Variants in CWC25 observed in about 807,000 individuals in gnomAD.
CWC25 encodes the protein pre-mRNA-splicing factor CWC25 homolog.
CWC25 carries 31 observed loss-of-function variants against 54.6 expected under a neutral mutation model. The observed-to-expected ratio is 0.57, with a 90% CI of 0.43 to 0.77. The LOEUF (loss-of-function observed/expected upper bound fraction) is 0.77, where lower values mean the gene tolerates loss of function less well. CWC25 is among the 30% of genes least tolerant of loss of function. CWC25 has a pLI of 0.00. For missense variants in CWC25, 453 were observed against 529.3 expected, an observed-to-expected ratio of 0.86 and a Z score of 1.41; for synonymous variants, 151 against 187.0, an observed-to-expected ratio of 0.81 and a Z score of 1.57.
intron 2 of CWC25, among the ~76,000 whole-genome samples, chr17:38,817,201 G>A (rs1418719689): frequency 2.0e-5 from 3 of 151,188 alleles, no homozygotes; most frequent in Admixed American, 6.6e-5. Context: ...CTAGCCAGGC[G>A]TGGTGGTACA....
chr17:38,819,014 C>CTTAT (rs35573113), intron 2 of CWC25, among the ~76,000 whole-genome samples: 78,329 of 150,166 alleles, frequency 0.52, 21,793 homozygotes, highest in Middle Eastern at 0.67. Context: ...TCAATTTTTA[C>CTTAT]TTATTTATTT....
chr17:38,810,680 G>A (rs138318505), intron 4 of CWC25, 85 bp from the exon 5 acceptor site: 1 of 740,564 alleles, frequency 1.4e-6, no homozygotes, highest in African/African-American at 1.7e-5. Context: ...AGCACTTTGG[G>A]AGGCTGAGTG....
intron 6 of CWC25, among the ~76,000 whole-genome samples, chr17:38,808,946 CAAAAAA>C (rs71138657): frequency 9.3e-6 from 1 of 107,998 alleles, no homozygotes. Flanking sequence ...AACTCCACCT[CAAAAAA>C]AAAAAAAAAA....
At position 38,820,884 on chromosome 17, in the gene CWC25, C is replaced by T; in HGVS notation, c.191+17G>A. 1 of 1,605,484 alleles carries T rather than the reference C, an allele frequency of 6.2e-7. No homozygotes were observed. Among genetic ancestry groups the T allele is most frequent in the South Asian group, 1.1e-5 (1 of 89,722 alleles). Reference sequence around the variant, plus strand: ...GCAATTCCCTACACACAAGCGCACCCCCAGCTCCTCACTTACTTGACGGCC... The same window carrying T: ...GCAATTCCCTACACACAAGCGCACCTCCAGCTCCTCACTTACTTGACGGCC... On this transcript the variant is annotated intron_variant, in intron 2 of 9. Transcript: ENST00000614790.
At chr17:38,812,695 C>A in intron 4 of CWC25, 100 bp downstream of exon 4, 1 of 664,434 alleles carries the variant, frequency 1.5e-6, no homozygotes. Flanking sequence ...TTTTAGAGGC[C>A]ATTCTGTTTT....
At chr17:38,815,359 C>T (rs1367930890) in intron 2 of CWC25, among the ~76,000 whole-genome samples, 2 of 152,092 alleles carry the variant, frequency 1.3e-5, no homozygotes, top group Non-Finnish European at 2.9e-5. Flanking sequence ...AGTTCGAGAC[C>T]AGCCTGGCCA....
In CWC25 at chr17:38,815,060, G is replaced by C; in HGVS notation, c.229C>G (p.Pro77Ala). 1 of 1,613,894 alleles carries C rather than the reference G, an allele frequency of 6.2e-7. No individual in the cohort carries two copies. The highest frequency in any genetic ancestry group is 8.5e-7 in the Non-Finnish European group (1 of 1,179,874). ...EEKLDWMYQG[P>A]GGMVNRDEYL... ...TCGTCACGGTTCACCATCCCACCAG[G>C]ACCCTGGTACATCCAGTCCAACTTT... Residue 77 changes from proline (P) to alanine (A), a missense_variant, in exon 3 of 10, where the codon CCT becomes GCT. Around this residue, in one of 2 missense-constraint regions of CWC25, gnomAD observed 444 missense variants for 499.2 expected, o/e 0.89. Coordinates refer to ENST00000614790, the MANE Select transcript of CWC25 (RefSeq NM_017748.5).
At chr17:38,805,734 G>A (rs1355487906) in intron 8 of CWC25, among the ~76,000 whole-genome samples, 5 of 152,102 alleles carry the variant, frequency 3.3e-5, no homozygotes, top group African/African-American at 1.2e-4. Context: ...TTGACCTTAA[G>A]TGATCCTCCC....
intron 7 of CWC25, 163 bp from the exon 8 acceptor site, chr17:38,806,558 C>T: frequency 1.3e-6 from 1 of 755,372 alleles, no homozygotes; most frequent in Non-Finnish European, 2.1e-6. Context: ...CCCAGAGCTC[C>T]CAAAGCACAG....
chr17:38,805,040 G>T (rs1195853326), intron 8 of CWC25, among the ~76,000 whole-genome samples: 1 of 151,974 alleles, frequency 6.6e-6, no homozygotes, highest in Non-Finnish European at 1.5e-5. Context: ...CCAGGAGGCG[G>T]AAGTTGTGGT....
intron 2 of CWC25, 107 bp from the exon 3 acceptor site, chr17:38,815,204 G>A (rs1911649325): frequency 3.1e-6 from 3 of 972,002 alleles, no homozygotes; most frequent in Non-Finnish European, 4.6e-6. Context: ...GCTAATCAGA[G>A]TTCATTCTAC....
At position 38,806,348 on chromosome 17, in the gene CWC25, G is replaced by T. The variant is rs768068334; in HGVS notation, c.950C>A (p.Pro317Gln). 1 of 1,613,574 alleles carries T rather than the reference G, an allele frequency of 6.2e-7. No homozygotes were observed. Among genetic ancestry groups the T allele is most frequent in the Admixed American group, 1.7e-5 (1 of 59,958 alleles). Residue 317 changes from proline (P) to glutamine (Q), a missense_variant, in exon 8 of 10, where the codon CCA (proline) becomes CAA (glutamine). Coordinates refer to ENST00000614790, the MANE Select transcript of CWC25 (RefSeq NM_017748.5). ...NRRETGQTRS[P>Q]SPKKEVYQRR... is the part of the protein sequence containing the mutation. ...TTGGTAGACCTCTTTTTTAGGTGAT[G>T]GGCTCCTAGTTTGGCCTGTCTCTCT... is the stretch of plus-strand genomic sequence containing the variant.
intron 1 of CWC25, among the ~76,000 whole-genome samples, chr17:38,821,516 G>T (rs1024610810): frequency 6.6e-6 from 1 of 152,150 alleles, no homozygotes; most frequent in Non-Finnish European, 1.5e-5. Context: ...CCGAAACTGC[G>T]CTGCTGCACT....
At chr17:38,803,733 TAA>T (rs35237821) in intron 8 of CWC25, among the ~76,000 whole-genome samples, 1 of 142,012 alleles carries the variant, frequency 7.0e-6, no homozygotes. Context: ...GTAGGAGGCT[TAA>T]AAAAAAAAAA....
At position 38,802,685 on chromosome 17, in the gene CWC25, A is replaced by G. The variant is rs754425976; in HGVS notation, c.1163+15T>C. On this transcript the variant is annotated intron_variant, in intron 9 of 9. Transcript: ENST00000614790. The stretch of plus-strand genomic sequence containing the variant: ...TTCCCCATGAAAGACCCTGGCAGGA[A>G]GAAGATGCACTCACTGGATGAACTT... The G allele has an allele frequency of 8.1e-6, 13 of 1,613,430 alleles. No individual in the cohort carries two copies. In the East Asian group the frequency reaches 8.9e-5, roughly 11 times the overall value.
At position 38,817,109 on chromosome 17, in the gene CWC25, G is replaced by A. The variant is rs181306146; in HGVS notation, c.192-2012C>T. On this transcript the variant is annotated intron_variant, in intron 2 of 9. Transcript: ENST00000614790. ...TAATCCTAGAACTTTGGGAGGCCAA[G>A]ACAGGCTGATCACGAGGTCAGGAGA... 5.0e-4 allele frequency among the ~76,000 whole-genome samples: 75 copies of A among 151,402 alleles called. 1 individual carries two copies. In the East Asian group the frequency reaches 0.013, roughly 25 times the overall value.
intron 2 of CWC25, among the ~76,000 whole-genome samples, chr17:38,817,245 G>A (rs1246220477): frequency 1.3e-5 from 2 of 149,008 alleles, no homozygotes; most frequent in Non-Finnish European, 1.5e-5. Context: ...GAGGCTGAGG[G>A]AGGAGAATCG....
At position 38,807,790 on chromosome 17, in the gene CWC25, G is replaced by A. The variant is rs1911314335; in HGVS notation, c.691-814C>T. On this transcript the variant is annotated intron_variant, in intron 6 of 9. Coordinates refer to ENST00000614790, the MANE Select transcript of CWC25 (RefSeq NM_017748.5). ...AAAAAAAAAGATGGCTGGGTGCTGT[G>A]GCTCATGCCTGTAATCCCAGCACTT... Among the ~76,000 whole-genome samples, 2 of 138,276 alleles carry A rather than the reference G, an allele frequency of 1.4e-5. 1 individual carries two copies. The highest frequency in any genetic ancestry group is 4.7e-4 in the South Asian group (2 of 4,274). 90.7% of individuals were successfully genotyped at this position (138,276 alleles called of 152,430 possible).
At chr17:38,807,445 C>A (rs1911301875) in intron 6 of CWC25, among the ~76,000 whole-genome samples, 1 of 140,734 alleles carries the variant, frequency 7.1e-6, no homozygotes, top group African/African-American at 2.6e-5. Flanking sequence ...TAGTTATCTG[C>A]AGAATCCCCT....
Sources: allele counts gnomAD v4.1 joint callset (sites outside exome capture counted in the v4.1 genomes callset), GRCh38; gene constraint gnomAD v4.1.1; regional missense constraint gnomAD v4.1.1; transcripts MANE v1.5; gene names NCBI Gene and HGNC (gene_info 2026-07-23, HGNC 2026-07-21).